The following B3GLCT variants were observed in gnomAD, a reference collection of about 807,000 sequenced individuals.
B3GLCT encodes the protein beta 3-glucosyltransferase.
A neutral mutation model predicts 63.4 loss-of-function variants in B3GLCT; 65 were observed. The observed-to-expected ratio is 1.03, with a 90% CI of 0.84 to 1.26. B3GLCT has a LOEUF of 1.26. B3GLCT is among the 50% of genes most tolerant of loss of function. The probability of loss-of-function intolerance (pLI) is 0.00; values close to 1 mark genes in which losing one functional copy is unlikely to be tolerated. For missense variants in B3GLCT, 577 were observed against 604.8 expected (o/e 0.95, Z 0.48); for synonymous variants, 233 against 219.2 (o/e 1.06, Z -0.55).
chr13:31,205,094 T>C (rs1009067435), intron 1 of B3GLCT, among the ~76,000 whole-genome samples: 1 of 152,070 alleles, frequency 6.6e-6, no homozygotes, highest in African/African-American at 2.4e-5. Context: ...TAAGTTCAGT[T>C]TTGGACAAGT....
At chr13:31,229,385 T>A in intron 4 of B3GLCT, 91 bp downstream of exon 4, 1 of 818,248 alleles carries the variant, frequency 1.2e-6, no homozygotes, top group Non-Finnish European at 2.2e-6. Flanking sequence ...AGAATCAGTT[T>A]TTATTTAGAC....
chr13:31,322,636 G>T (rs769124967), intron 13 of B3GLCT, among the ~76,000 whole-genome samples: 12 of 152,070 alleles, frequency 7.9e-5, no homozygotes, highest in Non-Finnish European at 1.6e-4. Flanking sequence ...ATGTAAGACT[G>T]TGTGAGTAGG....
At chr13:31,311,872 G>A (rs1874728698) in intron 12 of B3GLCT, among the ~76,000 whole-genome samples, 1 of 152,082 alleles carries the variant, frequency 6.6e-6, no homozygotes, top group African/African-American at 2.4e-5. Context: ...AGTCAATATT[G>A]CAAACCATAA....
rs748524174 is a variant in B3GLCT, at chr13:31,323,840, G to A, written c.1274G>A (p.Gly425Glu). Residue 425 changes from glycine (G) to glutamate (E), a missense_variant, in exon 14 of 15, where the codon GGA becomes GAA. By Grantham distance (98) the Gly-to-Glu change is moderately conservative. Transcript: ENST00000343307. ...SNDAPDDMVL[G>E]MCFSGLGIPV... The stretch of plus-strand genomic sequence containing the variant: ...GATGCTCCCGATGATATGGTCCTGG[G>A]AATGTGCTTTAGTGGCTTGGGAATC... 1 of 1,614,190 alleles carries A rather than the reference G, an allele frequency of 6.2e-7. No individual in the cohort carries two copies. Among genetic ancestry groups the A allele is most frequent in the Non-Finnish European group, 8.5e-7 (1 of 1,180,020 alleles).
intron 1 of B3GLCT, among the ~76,000 whole-genome samples, chr13:31,204,973 C>CA (rs1868871149): frequency 6.6e-6 from 1 of 152,162 alleles, no homozygotes; most frequent in Non-Finnish European, 1.5e-5. Context: ...ACATAACATA[C>CA]AGTTTATTAA....
Position 31,240,904 on chromosome 13 carries a change from C to G in B3GLCT, c.271-6119C>G, listed in dbSNP as rs1870909845. Reference sequence around the variant, plus strand: ...TTGAATACTTACTTTGGGCAGCGGCCTGGATAGGATGCTCCAGGAGAAAAT... The same window carrying G: ...TTGAATACTTACTTTGGGCAGCGGCGTGGATAGGATGCTCCAGGAGAAAAT... On this transcript the variant is annotated intron_variant, in intron 4 of 14. Transcript: ENST00000343307. Among the ~76,000 whole-genome samples the G allele has an allele frequency of 1.3e-5, 2 of 152,306 alleles. 1 individual carries two copies. The highest frequency in any genetic ancestry group is 6.8e-3 in the Middle Eastern group (2 of 294).
chr13:31,302,094 C>G (rs1874249467), intron 12 of B3GLCT, among the ~76,000 whole-genome samples: 1 of 152,184 alleles, frequency 6.6e-6, no homozygotes, highest in African/African-American at 2.4e-5. Flanking sequence ...TCATCATTTT[C>G]TTGTTAATTA....
intron 3 of B3GLCT, among the ~76,000 whole-genome samples, chr13:31,224,290 C>T (rs193087529): frequency 3.9e-5 from 6 of 152,250 alleles, no homozygotes; most frequent in Admixed American, 3.9e-4. Flanking sequence ...TGGCTTTGAG[C>T]ATTTATTTGT....
At chr13:31,310,729 T>G (rs1874662384) in intron 12 of B3GLCT, among the ~76,000 whole-genome samples, 2 of 152,162 alleles carry the variant, frequency 1.3e-5, no homozygotes, top group Admixed American at 1.3e-4. Flanking sequence ...CTGTGATGCT[T>G]CCTGGGGGCT....
chr13:31,271,670 T>C (rs1371253818), intron 8 of B3GLCT, among the ~76,000 whole-genome samples: 1 of 152,236 alleles, frequency 6.6e-6, no homozygotes, highest in East Asian at 1.9e-4. Context: ...TTTTCATATC[T>C]ATTAGATTGA....
At chr13:31,265,695 A>G (rs553419884) in intron 7 of B3GLCT, among the ~76,000 whole-genome samples, 1 of 152,342 alleles carries the variant, frequency 6.6e-6, no homozygotes, top group East Asian at 1.9e-4. Context: ...CAATAAGATG[A>G]TTTCTTCAAA....
intron 6 of B3GLCT, among the ~76,000 whole-genome samples, chr13:31,249,288 A>G (rs950054230): frequency 2.0e-5 from 3 of 152,166 alleles, no homozygotes; most frequent in African/African-American, 4.8e-5. Flanking sequence ...TCATGCTTTT[A>G]ATTTCTGGGA....
chr13:31,256,877 A>C (rs1248131308), intron 6 of B3GLCT, among the ~76,000 whole-genome samples: 4 of 151,506 alleles, frequency 2.6e-5, no homozygotes, highest in Non-Finnish European at 5.9e-5. Flanking sequence ...TCTATGTAAC[A>C]AAACTGTGCT....
intron 6 of B3GLCT, among the ~76,000 whole-genome samples, chr13:31,255,453 T>G (rs926669208): frequency 1.3e-5 from 2 of 152,140 alleles, no homozygotes; most frequent in Admixed American, 6.5e-5. Context: ...AAAAACTACT[T>G]TAAATTTCAT....
intron 12 of B3GLCT, among the ~76,000 whole-genome samples, chr13:31,310,076 G>A (rs1181158195): frequency 6.6e-6 from 1 of 152,118 alleles, no homozygotes; most frequent in Non-Finnish European, 1.5e-5. Context: ...AGCTCAGGGT[G>A]GGGTCCACAG....
At chr13:31,226,152 C>T (rs553348479) in intron 3 of B3GLCT, among the ~76,000 whole-genome samples, 1 of 152,170 alleles carries the variant, frequency 6.6e-6, no homozygotes, top group Non-Finnish European at 1.5e-5. Context: ...CACTCGCCCC[C>T]GATTGTCTGG....
At chr13:31,326,055 A>C (rs1300923537) in intron 14 of B3GLCT, among the ~76,000 whole-genome samples, 1 of 152,180 alleles carries the variant, frequency 6.6e-6, no homozygotes, top group Non-Finnish European at 1.5e-5. Context: ...GGCAGTGTGC[A>C]ATGATTGGTG....
At chr13:31,296,769 G>A (rs1375826390) in intron 12 of B3GLCT, among the ~76,000 whole-genome samples, 2 of 150,038 alleles carry the variant, frequency 1.3e-5, no homozygotes, top group Non-Finnish European at 3.0e-5. Flanking sequence ...TTTAATTGTG[G>A]TAAAGTACAC....
At chr13:31,270,716 A>G (rs1872541590) in intron 8 of B3GLCT, among the ~76,000 whole-genome samples, 1 of 152,106 alleles carries the variant, frequency 6.6e-6, no homozygotes, top group Admixed American at 6.5e-5. Context: ...ACTTTTCTTC[A>G]TATTTTATTA....
Sources: allele counts gnomAD v4.1 joint callset (sites outside exome capture counted in the v4.1 genomes callset), GRCh38; gene constraint gnomAD v4.1.1; transcripts MANE v1.5; gene names NCBI Gene and HGNC (gene_info 2026-07-23, HGNC 2026-07-21).